Variants in EPHB1 observed in about 807,000 individuals in gnomAD.
EPHB1 encodes ephrin type-B receptor 1.
EPHB1 carries 30 observed loss-of-function variants against 94.4 expected under a neutral mutation model. That is an observed-to-expected ratio of 0.32 (90% CI 0.24 to 0.43). The LOEUF (loss-of-function observed/expected upper bound fraction) is 0.43, where lower values mean the gene tolerates loss of function less well. Among genes scored for constraint, EPHB1 ranks in the 20% least tolerant of loss-of-function variants. The probability of loss-of-function intolerance (pLI) is 1.00; values close to 1 mark genes in which losing one functional copy is unlikely to be tolerated. For missense variants in EPHB1, 1,055 were observed against 1,308.3 expected (o/e 0.81, Z 2.99); for synonymous variants, 522 against 489.1 (o/e 1.07, Z -0.89).
At chr3:134,878,271 A>T (rs1033138118) in intron 1 of EPHB1, among the ~76,000 whole-genome samples, 1 of 152,244 alleles carries the variant, frequency 6.6e-6, no homozygotes, top group Non-Finnish European at 1.5e-5. Flanking sequence ...AAATATAGCT[A>T]TTCTGAATAA....
rs1942855210 is a variant in EPHB1, at chr3:135,204,876, T to G, written c.2346+3187T>G. The stretch of plus-strand genomic sequence containing the variant: ...CTGTTTTGCTATCAAATACTAGGTT[T>G]TATTCTTTTTTTTTTTTTTTTTTTT... On this transcript the variant is annotated intron_variant, in intron 12 of 15. Coordinates refer to ENST00000398015, the MANE Select transcript of EPHB1 (RefSeq NM_004441.5). 6.1e-5 allele frequency among the ~76,000 whole-genome samples: 8 copies of G among 130,368 alleles called. 1 individual carries two copies. The South Asian group carries it at 2.1e-3, about 35-fold the overall frequency. The allele number at this position is 130,368 out of a possible 152,430, so 85.5% of individuals were successfully genotyped here.
chr3:135,048,268 T>TC (rs1211441938), intron 3 of EPHB1, among the ~76,000 whole-genome samples: 3 of 133,402 alleles, frequency 2.2e-5, no homozygotes, highest in Non-Finnish European at 4.8e-5. Context: ...TCTTTTTTTT[T>TC]TTTTTTTTTT....
intron 12 of EPHB1, among the ~76,000 whole-genome samples, chr3:135,232,177 TG>T (rs1943547246): frequency 6.6e-6 from 1 of 152,250 alleles, no homozygotes. Flanking sequence ...GAGTCTTGTC[TG>T]GAAAAATATC....
chr3:135,196,771 C>T (rs74770634), intron 11 of EPHB1, among the ~76,000 whole-genome samples: 1,987 of 152,262 alleles, frequency 0.013, 40 homozygotes, highest in African/African-American at 0.046. Context: ...AGAGTGGCTA[C>T]GGTTCTAGCC....
At position 135,117,878 on chromosome 3, in the gene EPHB1, C is replaced by T. The variant is rs573003511; in HGVS notation, c.961+11275C>T. Among the ~76,000 whole-genome samples the T allele has an allele frequency of 2.6e-5, 4 of 151,568 alleles. No homozygotes were observed. In the South Asian group the frequency reaches 8.4e-4, roughly 32 times the overall value. On this transcript the variant is annotated intron_variant, in intron 4 of 15. Transcript: ENST00000398015. ...AGGTTGGAGTGAACTTGCATGGCAG[C>T]TGTGTAGTGAGATGAAGCCAGGTGC...
At chr3:134,896,638 A>C (rs2038092057) in intron 1 of EPHB1, among the ~76,000 whole-genome samples, 1 of 152,136 alleles carries the variant, frequency 6.6e-6, no homozygotes, top group African/African-American at 2.4e-5. Flanking sequence ...CTCCACTGTA[A>C]ATCTCAATGG....
intron 10 of EPHB1, among the ~76,000 whole-genome samples, chr3:135,181,134 T>G (rs372687939): frequency 6.6e-6 from 1 of 152,202 alleles, no homozygotes; most frequent in Admixed American, 6.5e-5. Context: ...TCTGTGAAAT[T>G]GGAAGTCACA....
At chr3:134,912,217 A>C (rs527621401) in intron 1 of EPHB1, among the ~76,000 whole-genome samples, 1 of 152,268 alleles carries the variant, frequency 6.6e-6, no homozygotes, top group South Asian at 2.1e-4. Context: ...TTGCCCACAA[A>C]GAGCAGGAGG....
chr3:134,938,838 G>C (rs1374667348), intron 2 of EPHB1, among the ~76,000 whole-genome samples: 1 of 152,100 alleles, frequency 6.6e-6, no homozygotes, highest in South Asian at 2.1e-4. Flanking sequence ...GGAGGAAGTC[G>C]AGGCTCAGAG....
At chr3:135,144,493 G>A (rs1940944687) in intron 5 of EPHB1, among the ~76,000 whole-genome samples, 1 of 152,100 alleles carries the variant, frequency 6.6e-6, no homozygotes. Flanking sequence ...GCTGATATGG[G>A]ACTACATTTT....
chr3:135,212,979 A>G (rs2107716805), intron 12 of EPHB1, among the ~76,000 whole-genome samples: 1 of 152,238 alleles, frequency 6.6e-6, no homozygotes, highest in East Asian at 1.9e-4. Context: ...CTCCATCTTA[A>G]TTCCCCTATT....
At chr3:134,845,721 A>G (rs568005709) in intron 1 of EPHB1, among the ~76,000 whole-genome samples, 1 of 152,290 alleles carries the variant, frequency 6.6e-6, no homozygotes, top group Admixed American at 6.5e-5. Flanking sequence ...ACATGCTCAC[A>G]TTGCCTCTCT....
At chr3:134,952,369 T>TCACACA (rs748094985) in intron 3 of EPHB1, among the ~76,000 whole-genome samples, 8 of 121,228 alleles carry the variant, frequency 6.6e-5, no homozygotes, top group African/African-American at 2.6e-4. Flanking sequence ...TCTCTCTCTC[T>TCACACA]CTCACACACA....
chr3:134,962,387 A>G (rs1488939805), intron 3 of EPHB1, among the ~76,000 whole-genome samples: 1 of 151,738 alleles, frequency 6.6e-6, no homozygotes, highest in East Asian at 1.9e-4. Flanking sequence ...CTCTGTATGT[A>G]CTCTTTGCCC....
chr3:134,916,422 G>A (rs968830142), intron 1 of EPHB1, among the ~76,000 whole-genome samples: 2 of 152,220 alleles, frequency 1.3e-5, no homozygotes, highest in Admixed American at 6.5e-5. Context: ...GCTCGTCCGG[G>A]AGGCTCAGGC....
At chr3:135,161,511 C>G (rs899802391) in intron 6 of EPHB1, among the ~76,000 whole-genome samples, 8 of 152,274 alleles carry the variant, frequency 5.3e-5, no homozygotes, top group African/African-American at 1.9e-4. Context: ...CTTGAAGGAA[C>G]TGAAGGGGAG....
At chr3:134,850,608 G>C (rs2036960246) in intron 1 of EPHB1, among the ~76,000 whole-genome samples, 1 of 152,222 alleles carries the variant, frequency 6.6e-6, no homozygotes, top group Admixed American at 6.5e-5. Flanking sequence ...TCCCAGGCAT[G>C]TGGTGAGAAG....
At chr3:135,152,385 G>A (rs1243731389) in intron 5 of EPHB1, among the ~76,000 whole-genome samples, 1 of 152,190 alleles carries the variant, frequency 6.6e-6, no homozygotes, top group Non-Finnish European at 1.5e-5. Flanking sequence ...CCCTCTCTGG[G>A]GGTACAGCAG....
chr3:135,193,691 A>G (rs1942520871), intron 11 of EPHB1, among the ~76,000 whole-genome samples: 1 of 152,160 alleles, frequency 6.6e-6, no homozygotes, highest in African/African-American at 2.4e-5. Flanking sequence ...AAGCAACCAA[A>G]CAATAGCTGT....
Sources: gnomAD v4.1 joint callset for allele counts (sites outside exome capture counted in the v4.1 genomes callset) on GRCh38, gnomAD v4.1.1 for gene constraint, MANE v1.5 for transcripts, NCBI Gene and HGNC (gene_info 2026-07-23, HGNC 2026-07-21) for gene names.